IL34: variants seen among roughly 807,000 people sequenced by gnomAD.
The protein encoded by IL34 is interleukin-34.
A neutral mutation model predicts 25.3 loss-of-function variants in IL34; 17 were observed. The ratio of observed to expected loss-of-function variants is 0.67; its 90% confidence interval spans 0.46 to 1.01. The LOEUF (loss-of-function observed/expected upper bound fraction) is 1.01. Ranked by LOEUF, IL34 falls within the 50% of genes least tolerant of loss-of-function variation. The pLI, the probability that IL34 is intolerant of heterozygous loss-of-function variation, is 0.00. For synonymous variants in IL34, 174 were observed against 140.9 expected, an observed-to-expected ratio of 1.23 and a Z score of -1.66; for missense variants, 368 against 312.9, an observed-to-expected ratio of 1.18 and a Z score of -1.33.
chr16:70,639,904 C>T (rs2051741641), intron 1 of IL34, among the ~76,000 whole-genome samples: 1 of 151,800 alleles, frequency 6.6e-6, no homozygotes, highest in African/African-American at 2.4e-5. Flanking sequence ...GCTTCAGTGA[C>T]CTGTGATTAC....
chr16:70,628,135 A>T (rs4985546), intron 1 of IL34, among the ~76,000 whole-genome samples: 51,637 of 152,056 alleles, frequency 0.34, 8,905 homozygotes, highest in South Asian at 0.46. Flanking sequence ...TATTCACTCT[A>T]GGGTGTGTGT....
At chr16:70,621,480 T>TGA (rs149078393) in intron 1 of IL34, among the ~76,000 whole-genome samples, 74,858 of 151,668 alleles carry the variant, frequency 0.49, 19,142 homozygotes, top group South Asian at 0.63. Context: ...TTAAAATTGG[T>TGA]GATATTCCTT....
chr16:70,653,330 T>C (rs2052127678), intron 1 of IL34, among the ~76,000 whole-genome samples: 1 of 123,794 alleles, frequency 8.1e-6, no homozygotes, highest in Non-Finnish European at 1.6e-5. Context: ...CTGGGCAACA[T>C]AGCAAAACCC....
At chr16:70,592,329 A>G (rs898488067) in intron 1 of IL34, among the ~76,000 whole-genome samples, 1 of 152,002 alleles carries the variant, frequency 6.6e-6, no homozygotes, top group African/African-American at 2.4e-5. Flanking sequence ...TCTTCTCCCC[A>G]GTGCACCCCA....
At chr16:70,659,810 C>T in intron 5 of IL34, 57 bp downstream of exon 5, 1 of 1,554,696 alleles carries the variant, frequency 6.4e-7, no homozygotes, top group Non-Finnish European at 8.7e-7. Flanking sequence ...TCTGGGCCCA[C>T]CCAGGCCAGC....
chr16:70,594,215 C>T (rs75076686), intron 1 of IL34, among the ~76,000 whole-genome samples: 1,945 of 152,176 alleles, frequency 0.013, 53 homozygotes, highest in African/African-American at 0.044. Context: ...GGGAGAACAA[C>T]CATCTTAACA....
At chr16:70,656,717 C>A in intron 3 of IL34, 38 bp downstream of exon 3, 1 of 1,043,062 alleles carries the variant, frequency 9.6e-7, no homozygotes, top group Non-Finnish European at 1.5e-6. Flanking sequence ...ACCCTGCCTC[C>A]TGCGACATCC....
At chr16:70,591,660 G>C (rs2050756130) in intron 1 of IL34, among the ~76,000 whole-genome samples, 1 of 152,064 alleles carries the variant, frequency 6.6e-6, no homozygotes, top group Non-Finnish European at 1.5e-5. Flanking sequence ...TGGAGGCACA[G>C]GGAGCTGTCA....
upstream of IL34, among the ~76,000 whole-genome samples, chr16:70,644,318 G>A (rs533508039): frequency 3.3e-5 from 5 of 152,004 alleles, no homozygotes; most frequent in African/African-American, 9.7e-5. Context: ...CACCCGCCTC[G>A]GCCTCCCAAA....
intron 1 of IL34, among the ~76,000 whole-genome samples, chr16:70,637,936 G>T (rs1009571236): frequency 1.3e-5 from 2 of 152,156 alleles, no homozygotes; most frequent in Non-Finnish European, 2.9e-5. Context: ...TTGACATTTA[G>T]GTGGTTTCCA....
intron 2 of IL34, among the ~76,000 whole-genome samples, chr16:70,655,532 C>T (rs1158988702): frequency 2.0e-5 from 3 of 151,590 alleles, no homozygotes; most frequent in Non-Finnish European, 4.4e-5. Flanking sequence ...GGACTACAGG[C>T]ATGCACCACC....
At chr16:70,623,650 A>G (rs868578108) in intron 1 of IL34, among the ~76,000 whole-genome samples, 166 of 151,872 alleles carry the variant, frequency 1.1e-3, no homozygotes, top group Middle Eastern at 3.4e-3. Flanking sequence ...AAGGTGGGGG[A>G]ATACAAGAGG....
intron 1 of IL34, among the ~76,000 whole-genome samples, chr16:70,593,326 T>C (rs1309926542): frequency 6.6e-6 from 1 of 152,176 alleles, no homozygotes; most frequent in East Asian, 1.9e-4. Flanking sequence ...TCAAGGATCG[T>C]GCTTTTGATA....
At chr16:70,636,165 A>C (rs904649807) in intron 1 of IL34, among the ~76,000 whole-genome samples, 3 of 151,930 alleles carry the variant, frequency 2.0e-5, no homozygotes, top group Middle Eastern at 3.4e-3. Context: ...CAGCCTCCTG[A>C]GTAGCTGGGA....
chr16:70,648,580 A>G (rs1221204188), intron 1 of IL34, among the ~76,000 whole-genome samples: 4 of 140,456 alleles, frequency 2.8e-5, no homozygotes, highest in African/African-American at 1.1e-4. Flanking sequence ...AAAAAAGGAG[A>G]AAAGAAAAAG....
chr16:70,617,395 C>T (rs984716308), intron 1 of IL34, among the ~76,000 whole-genome samples: 2 of 151,980 alleles, frequency 1.3e-5, no homozygotes, highest in Admixed American at 6.6e-5. Flanking sequence ...CTGTGTAAAC[C>T]GGCAGTGTAA....
chr16:70,637,115 C>G (rs1258356114), intron 1 of IL34, among the ~76,000 whole-genome samples: 1 of 151,960 alleles, frequency 6.6e-6, no homozygotes, highest in Non-Finnish European at 1.5e-5. Flanking sequence ...CTGCCTCGGC[C>G]TCTCAAAGTG....
intron 1 of IL34, among the ~76,000 whole-genome samples, chr16:70,652,720 C>T (rs943294948): frequency 1.1e-4 from 16 of 151,812 alleles, no homozygotes; most frequent in African/African-American, 3.6e-4. Flanking sequence ...ATCTTTTTTG[C>T]TTTTCTTCCA....
intron 1 of IL34, among the ~76,000 whole-genome samples, chr16:70,638,088 G>A (rs2051696500): frequency 6.6e-6 from 1 of 152,160 alleles, no homozygotes; most frequent in African/African-American, 2.4e-5. Flanking sequence ...CTACAAATCA[G>A]TGTAAAAAGT....
Sources: allele counts gnomAD v4.1 joint callset (sites outside exome capture counted in the v4.1 genomes callset), GRCh38; gene constraint gnomAD v4.1.1; transcripts MANE v1.5; gene names NCBI Gene and HGNC (gene_info 2026-07-23, HGNC 2026-07-21).